Variants in MMP16 observed in about 807,000 individuals in gnomAD.
MMP16 encodes matrix metallopeptidase 16.
In MMP16, 12 loss-of-function variants were observed where a neutral mutation model predicts 67.8. The observed-to-expected ratio is 0.18, with a 90% CI of 0.11 to 0.29. MMP16 has a LOEUF of 0.29. Among genes scored for constraint, MMP16 ranks in the 10% least tolerant of loss-of-function variants. The pLI is 1.00. For missense variants in MMP16, 475 were observed against 765.7 expected, an observed-to-expected ratio of 0.62 and a Z score of 4.48; for synonymous variants, 249 against 255.9, an observed-to-expected ratio of 0.97 and a Z score of 0.26.
At chr8:88,146,710 A>G (rs1381788082) in intron 4 of MMP16, among the ~76,000 whole-genome samples, 2 of 152,002 alleles carry the variant, frequency 1.3e-5, no homozygotes, top group Non-Finnish European at 2.9e-5. Context: ...ATTAAAAGCA[A>G]TTATGGCATG....
chr8:88,229,229 G>A (rs141338004), intron 1 of MMP16, among the ~76,000 whole-genome samples: 1 of 152,206 alleles, frequency 6.6e-6, no homozygotes, highest in East Asian at 1.9e-4. Context: ...TGAATATGCT[G>A]AGTTTTCCAG....
intron 7 of MMP16, among the ~76,000 whole-genome samples, chr8:88,062,558 C>CA (rs1293882829): frequency 6.7e-6 from 1 of 150,184 alleles, no homozygotes. Flanking sequence ...ATCGCAAGGA[C>CA]AAAAAACCAA....
At chr8:88,046,188 C>T (rs1808197088) in intron 9 of MMP16, among the ~76,000 whole-genome samples, 1 of 152,056 alleles carries the variant, frequency 6.6e-6, no homozygotes, top group Non-Finnish European at 1.5e-5. Flanking sequence ...CATCATACAT[C>T]CACTCTATTC....
chr8:88,169,234 TG>T (rs1373965354), intron 3 of MMP16, among the ~76,000 whole-genome samples: 4 of 152,176 alleles, frequency 2.6e-5, no homozygotes, highest in Non-Finnish European at 5.9e-5. Context: ...AACTTTCCAG[TG>T]GAAAAAAATA....
intron 4 of MMP16, among the ~76,000 whole-genome samples, chr8:88,124,782 A>G (rs1044891579): frequency 4.6e-5 from 7 of 151,978 alleles, no homozygotes; most frequent in African/African-American, 1.4e-4. Flanking sequence ...ACTTTCTCAT[A>G]GTTCTGGAGG....
chr8:88,150,662 T>C (rs1337545033), intron 4 of MMP16, among the ~76,000 whole-genome samples: 2 of 100,504 alleles, frequency 2.0e-5, no homozygotes. Flanking sequence ...AAGCAAATGC[T>C]GAGAGATTTT....
At chr8:88,218,104 G>A (rs1809622799) in intron 1 of MMP16, among the ~76,000 whole-genome samples, 1 of 151,944 alleles carries the variant, frequency 6.6e-6, no homozygotes, top group Non-Finnish European at 1.5e-5. Context: ...TTTTCAGTAA[G>A]CAAAACAACC....
intron 1 of MMP16, among the ~76,000 whole-genome samples, chr8:88,302,447 C>T (rs181680799): frequency 1.1e-4 from 16 of 152,242 alleles, no homozygotes; most frequent in Admixed American, 5.9e-4. Flanking sequence ...ATATTATCTG[C>T]GCACAAAATA....
intron 7 of MMP16, among the ~76,000 whole-genome samples, chr8:88,064,898 T>G (rs1808444416): frequency 6.6e-6 from 1 of 152,124 alleles, no homozygotes; most frequent in South Asian, 2.1e-4. Flanking sequence ...CAAGTGTGGT[T>G]GCCGCTGAGG....
chr8:88,054,127 C>T (rs1254743141), intron 8 of MMP16, among the ~76,000 whole-genome samples: 1 of 152,086 alleles, frequency 6.6e-6, no homozygotes, highest in Admixed American at 6.6e-5. Flanking sequence ...GTAATCCCTA[C>T]ATTTGTGGGA....
At position 88,098,730 on chromosome 8, in the gene MMP16, G is replaced by A. The variant is rs533301384; in HGVS notation, c.1083+17777C>T. ...ACTTCATTGTCTATTGTGAACACCC[G>A]GCTCTCATCTGACACCTATCAAAGA... On this transcript the variant is annotated intron_variant, in intron 6 of 9. Coordinates refer to ENST00000286614, the MANE Select transcript of MMP16 (RefSeq NM_005941.5). Among the ~76,000 whole-genome samples, 26 of 151,898 alleles carry A rather than the reference G, an allele frequency of 1.7e-4. No individual in the cohort carries two copies. In the South Asian group the frequency reaches 2.1e-3, roughly 12 times the overall value.
At chr8:88,132,439 T>C (rs1808047209) in intron 4 of MMP16, among the ~76,000 whole-genome samples, 1 of 151,838 alleles carries the variant, frequency 6.6e-6, no homozygotes, top group South Asian at 2.1e-4. Flanking sequence ...TTGTGAGGTT[T>C]CAAACTGTTG....
intron 4 of MMP16, among the ~76,000 whole-genome samples, chr8:88,148,911 G>T (rs1002170466): frequency 4.5e-4 from 69 of 152,306 alleles, no homozygotes; most frequent in Admixed American, 2.2e-3. Flanking sequence ...CGTGAGCGAC[G>T]CAGAAGACGG....
intron 1 of MMP16, among the ~76,000 whole-genome samples, chr8:88,259,106 T>C (rs1044796643): frequency 1.3e-5 from 2 of 152,140 alleles, no homozygotes; most frequent in South Asian, 2.1e-4. Flanking sequence ...TTAAGGGCCT[T>C]GTCCTGTAAC....
chr8:88,322,561 G>A (rs1052081013), intron 1 of MMP16, among the ~76,000 whole-genome samples: 7 of 151,928 alleles, frequency 4.6e-5, no homozygotes, highest in African/African-American at 1.2e-4. Context: ...AGATGTGGTG[G>A]CTCATGTCTG....
At chr8:88,297,944 G>C (rs1032242243) in intron 1 of MMP16, among the ~76,000 whole-genome samples, 3 of 152,130 alleles carry the variant, frequency 2.0e-5, no homozygotes, top group Non-Finnish European at 4.4e-5. Context: ...AAAACAATTA[G>C]AGAAAGGAAA....
intron 1 of MMP16, among the ~76,000 whole-genome samples, chr8:88,281,113 T>C (rs1810728307): frequency 6.6e-6 from 1 of 152,290 alleles, no homozygotes. Context: ...GACAAGTCTT[T>C]GCAATTCCAA....
At chr8:88,235,515 A>C (rs1450492405) in intron 1 of MMP16, among the ~76,000 whole-genome samples, 1 of 152,100 alleles carries the variant, frequency 6.6e-6, no homozygotes, top group Non-Finnish European at 1.5e-5. Context: ...TTTTGAGAAA[A>C]ATAGTACAGG....
At chr8:88,105,129 C>A (rs559961848) in intron 6 of MMP16, among the ~76,000 whole-genome samples, 20 of 138,884 alleles carry the variant, frequency 1.4e-4, no homozygotes, top group Admixed American at 1.3e-3. Context: ...ATAGGTGTAC[C>A]ATTTTTTATC....
Sources: allele counts gnomAD v4.1 joint callset (sites outside exome capture counted in the v4.1 genomes callset), GRCh38; gene constraint gnomAD v4.1.1; transcripts MANE v1.5; gene names NCBI Gene and HGNC (gene_info 2026-07-23, HGNC 2026-07-21).